Variants in C1GALT1 observed in about 807,000 individuals in gnomAD.
C1GALT1 encodes the protein core 1 synthase, glycoprotein-N-acetylgalactosamine 3-beta-galactosyltransferase 1, also known as glycoprotein-N-acetylgalactosamine 3-beta-galactosyltransferase 1.
A neutral mutation model predicts 31.0 loss-of-function variants in C1GALT1; 11 were observed. The observed-to-expected ratio is 0.36, with a 90% CI of 0.22 to 0.59. The LOEUF is 0.59. C1GALT1 is among the 20% of genes least tolerant of loss of function. C1GALT1 has a pLI of 0.79. For missense variants in C1GALT1, 424 were observed against 425.2 expected, an observed-to-expected ratio of 1.00 and a Z score of 0.03; for synonymous variants, 175 against 143.6, an observed-to-expected ratio of 1.22 and a Z score of -1.56.
intron 1 of C1GALT1, among the ~76,000 whole-genome samples, chr7:7,215,874 G>A (rs903966478): frequency 3.9e-5 from 6 of 152,068 alleles, no homozygotes; most frequent in Non-Finnish European, 8.8e-5. Context: ...CGGGTCATTA[G>A]AAAATCAGTC....
At chr7:7,215,868 T>G (rs2108789) in intron 1 of C1GALT1, among the ~76,000 whole-genome samples, 24,862 of 151,982 alleles carry the variant, frequency 0.16, 2,359 homozygotes, top group East Asian at 0.37. Context: ...CTATTTCGGG[T>G]CATTAGAAAA....
chr7:7,191,768 G>A (rs895749086), intron 1 of C1GALT1, among the ~76,000 whole-genome samples: 2 of 151,976 alleles, frequency 1.3e-5, no homozygotes, highest in African/African-American at 4.8e-5. Context: ...GGCCATTTGT[G>A]TATCTTAGGA....
intron 2 of C1GALT1, among the ~76,000 whole-genome samples, chr7:7,175,618 T>A (rs565985977): frequency 6.6e-6 from 1 of 152,250 alleles, no homozygotes; most frequent in Admixed American, 6.5e-5. Context: ...CCCTAGGTTC[T>A]GAGTTAGCAA....
intron 1 of C1GALT1, among the ~76,000 whole-genome samples, chr7:7,194,291 TATA>T (rs1216890648): frequency 6.6e-6 from 1 of 152,114 alleles, no homozygotes; most frequent in Non-Finnish European, 1.5e-5. Flanking sequence ...CTCCATTCAG[TATA>T]ATGTTAGCTG....
intron 1 of C1GALT1, among the ~76,000 whole-genome samples, chr7:7,209,232 C>T (rs2128238286): frequency 6.6e-6 from 1 of 152,250 alleles, no homozygotes; most frequent in South Asian, 2.1e-4. Flanking sequence ...CGTGACCTTC[C>T]ATTATAAGTC....
At chr7:7,220,910 A>C (rs1323502961) in intron 1 of C1GALT1, among the ~76,000 whole-genome samples, 1 of 152,226 alleles carries the variant, frequency 6.6e-6, no homozygotes, top group Non-Finnish European at 1.5e-5. Flanking sequence ...GATTTTCTCC[A>C]CTGCTTTTTA....
chr7:7,217,039 G>A (rs1252675828), intron 1 of C1GALT1, among the ~76,000 whole-genome samples: 1 of 152,194 alleles, frequency 6.6e-6, no homozygotes, highest in East Asian at 1.9e-4. Context: ...CGACAGGGTA[G>A]ATGGAAGAGA....
intron 1 of C1GALT1, among the ~76,000 whole-genome samples, chr7:7,203,776 TA>T (rs1465895249): frequency 6.6e-6 from 1 of 152,138 alleles, no homozygotes; most frequent in African/African-American, 2.4e-5. Context: ...TGTATCAGGG[TA>T]ATTAGCATAT....
chr7:7,185,824 G>A (rs768840744), intron 1 of C1GALT1, among the ~76,000 whole-genome samples: 5 of 152,138 alleles, frequency 3.3e-5, no homozygotes, highest in South Asian at 2.1e-4. Flanking sequence ...ACAGTTGCAC[G>A]GTTTATCTTT....
intron 1 of C1GALT1, among the ~76,000 whole-genome samples, chr7:7,217,920 G>A (rs1038934931): frequency 2.6e-5 from 4 of 152,104 alleles, no homozygotes; most frequent in Admixed American, 6.5e-5. Flanking sequence ...CCTCCCTGCC[G>A]CAAAAAGCTA....
chr7:7,240,810 A>G (rs1783591295), intron 3 of C1GALT1, among the ~76,000 whole-genome samples: 3 of 152,108 alleles, frequency 2.0e-5, no homozygotes, highest in South Asian at 2.1e-4. Flanking sequence ...CTAAAATTCT[A>G]TTATTATCCA....
At chr7:7,231,445 C>T (rs900054286) in intron 1 of C1GALT1, among the ~76,000 whole-genome samples, 3 of 152,178 alleles carry the variant, frequency 2.0e-5, no homozygotes, top group African/African-American at 7.2e-5. Context: ...TTCCAGTTAA[C>T]ACTTACATTA....
In C1GALT1 at chr7:7,234,438, A is replaced by C. The variant is rs764434666; in HGVS notation, c.119A>C (p.Asn40Thr). The change falls in exon 2 of 4, where the codon AAT becomes ACT. Residue 40 changes from asparagine to threonine, a missense_variant. This residue lies in a region of C1GALT1 where 189 missense variants were observed against 158.2 expected (regional missense o/e 1.19). Coordinates refer to ENST00000436587, the MANE Select transcript of C1GALT1 (RefSeq NM_020156.5). ...GGAGAAAAGGTTGACACCCAGCCTA[A>C]TGTTCTTCATAATGATCCTCATGCA... ...LLGEKVDTQP[N>T]VLHNDPHARH... is the part of the protein sequence containing the mutation. 1 of 1,613,932 alleles carries C rather than the reference A, an allele frequency of 6.2e-7. No individual in the cohort carries two copies. Among genetic ancestry groups the C allele is most frequent in the Admixed American group, 1.7e-5 (1 of 60,032 alleles).
At chr7:7,200,690 C>A (rs564667520) in intron 1 of C1GALT1, among the ~76,000 whole-genome samples, 1 of 152,070 alleles carries the variant, frequency 6.6e-6, no homozygotes, top group African/African-American at 2.4e-5. Flanking sequence ...AGGCTTTGTT[C>A]GTTTCTTTTT....
At chr7:7,226,838 T>C (rs188541563) in intron 1 of C1GALT1, among the ~76,000 whole-genome samples, 9 of 152,192 alleles carry the variant, frequency 5.9e-5, no homozygotes, top group Non-Finnish European at 1.2e-4. Flanking sequence ...GAATTACAGT[T>C]CATAATTCAT....
At chr7:7,221,950 G>A (rs945656588) in intron 1 of C1GALT1, among the ~76,000 whole-genome samples, 2 of 152,172 alleles carry the variant, frequency 1.3e-5, no homozygotes, top group Admixed American at 6.5e-5. Context: ...AGTAAACTCT[G>A]AGGTGTGACC....
chr7:7,181,192 A>ATTGCAGAAAGGTGGAAGGATG (rs1780576030), upstream of C1GALT1, among the ~76,000 whole-genome samples: 1 of 109,112 alleles, frequency 9.2e-6, no homozygotes, highest in Non-Finnish European at 2.0e-5. Flanking sequence ...ATGGCAAGAC[A>ATTGCAGAAAGGTGGAAGGATG]TTGCGGAAAG....
At chr7:7,194,421 A>G (rs569097661) in intron 1 of C1GALT1, among the ~76,000 whole-genome samples, 1 of 152,238 alleles carries the variant, frequency 6.6e-6, no homozygotes, top group Non-Finnish European at 1.5e-5. Context: ...TTCTGTGTCT[A>G]TTGAGATGAT....
chr7:7,223,517 C>T (rs1782608106), intron 1 of C1GALT1, among the ~76,000 whole-genome samples: 1 of 152,126 alleles, frequency 6.6e-6, no homozygotes, highest in Non-Finnish European at 1.5e-5. Context: ...TTTGCCAAGC[C>T]TTTCATTGTA....
Sources: allele counts gnomAD v4.1 joint callset (sites outside exome capture counted in the v4.1 genomes callset), GRCh38; gene constraint gnomAD v4.1.1; regional missense constraint gnomAD v4.1.1; transcripts MANE v1.5; gene names NCBI Gene and HGNC (gene_info 2026-07-23, HGNC 2026-07-21).